Variants in PRAMEF33 observed in about 807,000 individuals in gnomAD.
PRAMEF33 encodes PRAME family member 33, also known as PRAME family member 10-like.
In PRAMEF33, 5 loss-of-function variants were observed where a neutral mutation model predicts 28.1. That is an observed-to-expected ratio of 0.18 (90% CI 0.09 to 0.37). PRAMEF33 has a LOEUF of 0.37. Among genes scored for constraint, PRAMEF33 ranks in the 10% least tolerant of loss-of-function variants. The pLI is 1.00. For missense variants in PRAMEF33, 62 were observed against 471.1 expected (o/e 0.13, Z 8.04); for synonymous variants, 28 against 183.2 (o/e 0.15, Z 6.84).
At chr1:13,305,465 A>C (rs1188499287) in intron 1 of PRAMEF33, 1 of 169,084 alleles carries the variant, frequency 5.9e-6, no homozygotes, top group Non-Finnish European at 1.2e-5. Flanking sequence ...CTTCTTGGTG[A>C]AATTTTCAAT....
At position 13,306,249 on chromosome 1, in the gene PRAMEF33, G is replaced by GACTC; in HGVS notation, c.287+10_287+13dup. 1 of 1,430,320 alleles carries GACTC rather than the reference G, an allele frequency of 7.0e-7. No homozygotes were observed. The highest frequency in any genetic ancestry group is 9.5e-7 in the Non-Finnish European group (1 of 1,050,960). 88.6% of individuals were successfully genotyped at this position (1,430,320 alleles called of 1,614,324 possible). ...CCAGAAGGTTCGCCCCAGGTGAGGT[G>GACTC]ACTCAGGTGGCTTTCGGGGAAGGGT... is the stretch of plus-strand genomic sequence containing the variant. On this transcript the variant is annotated intron_variant, in intron 2 of 3. Coordinates refer to ENST00000437300, the MANE Select transcript of PRAMEF33 (RefSeq NM_001291381.1).
rs2100298662 is a variant in PRAMEF33, at chr1:13,308,768, G to A, written c.1306G>A (p.Glu436Lys). ...NWEILTPIRAELMRTLREVRQ... is the reference protein window; with the variant it reads ...NWEILTPIRAKLMRTLREVRQ... ...GGAGATCCTCACCCCAATTCGGGCTGAGCTGATGCGTACACTCAGGGAAGT... is the reference window on the plus strand; with the variant it reads ...GGAGATCCTCACCCCAATTCGGGCTAAGCTGATGCGTACACTCAGGGAAGT... The change falls in exon 4 of 4, where the codon GAG (glutamate) becomes AAG (lysine). Residue 436 changes from glutamate (E) to lysine (K), a missense_variant. Glu to Lys is a moderately conservative substitution (Grantham distance 56). Coordinates refer to ENST00000437300, the MANE Select transcript of PRAMEF33 (RefSeq NM_001291381.1). The A allele has an allele frequency of 1.3e-6, 2 of 1,594,544 alleles. No individual in the cohort carries two copies. Among genetic ancestry groups the A allele is most frequent in the East Asian group, 2.3e-5 (1 of 44,282 alleles).
At chr1:13,308,094 C>T (rs1220186730) in intron 3 of PRAMEF33, 3 of 437,750 alleles carry the variant, frequency 6.9e-6, no homozygotes, top group African/African-American at 2.0e-5. Flanking sequence ...GGAGTGGCCC[C>T]TGAATGATCT....
Position 13,308,869 on chromosome 1 carries a change from C to T in PRAMEF33, c.1407C>T (p.Asp469=), listed in dbSNP as rs1472712130. Residue 469 remains aspartate, a synonymous_variant, in exon 4 of 4, where the codon GAC becomes GAT. Coordinates refer to ENST00000437300, the MANE Select transcript of PRAMEF33 (RefSeq NM_001291381.1). ...TCGSWPSEKV[D]FHLCS ...GCTCATGGCCATCTGAGAAAGTGGACTTCCATCTTTGCTCCTAGGGAAGGC... is the reference window on the plus strand; with the variant it reads ...GCTCATGGCCATCTGAGAAAGTGGATTTCCATCTTTGCTCCTAGGGAAGGC... The T allele has an allele frequency of 2.2e-4, 352 of 1,605,022 alleles. 7 individuals are homozygous for T. In the South Asian group the frequency reaches 3.6e-3, roughly 16 times the overall value.
At chr1:13,304,238 T>G (rs1307077927) in intron 1 of PRAMEF33, 1 of 149,842 alleles carries the variant, frequency 6.7e-6, no homozygotes, top group African/African-American at 2.5e-5. Flanking sequence ...CTCTACAAAA[T>G]ATACATATTT....
rs1177627762 is a variant in PRAMEF33, at chr1:13,304,189, A to G, written c.-26+603A>G. 4.0e-5 allele frequency: 6 copies of G among 151,040 alleles called. 1 individual carries two copies. The highest frequency in any genetic ancestry group is 2.1e-4 in the South Asian group (1 of 4,724). The allele number at this position is 151,040 out of a possible 1,614,324, so 9.4% of individuals were successfully genotyped here. On this transcript the variant is annotated intron_variant, in intron 1 of 3. Transcript: ENST00000437300. ...GTGATCCACCTGCCTTGGCCTCCCA[A>G]AGTGCTGGGATTACAGCCATGAGCC...
chr1:13,308,828 C>T lies in PRAMEF33; in HGVS notation c.1366C>T (p.Pro456Ser). The T allele has an allele frequency of 6.2e-7, 1 of 1,604,134 alleles. No individual in the cohort carries two copies. Among genetic ancestry groups the T allele is most frequent in the South Asian group, 1.1e-5 (1 of 90,510 alleles). The change falls in exon 4 of 4, where the codon CCT becomes TCT. Residue 456 changes from proline (P) to serine (S), a missense_variant. Physicochemically the swap from Pro to Ser is moderately conservative, Grantham distance 74. Transcript: ENST00000437300. ...CAAGAGGATCTTCTTTGGTCCCGTCCCTTGCCCTACCTGTGGCTCATGGCC... is the reference window on the plus strand; with the variant it reads ...CAAGAGGATCTTCTTTGGTCCCGTCTCTTGCCCTACCTGTGGCTCATGGCC... ...QPKRIFFGPV[P>S]CPTCGSWPSE... is the part of the protein sequence containing the mutation.
Position 13,308,433 on chromosome 1 carries a change from A to T in PRAMEF33, c.971A>T (p.Glu324Val), listed in dbSNP as rs1639895188. 1 of 937,458 alleles carries T rather than the reference A, an allele frequency of 1.1e-6. No individual in the cohort carries two copies. The highest frequency in any genetic ancestry group is 2.3e-5 in the Admixed American group (1 of 42,736). 58.1% of individuals were successfully genotyped at this position (937,458 alleles called of 1,614,324 possible). Residue 324 changes from glutamate to valine, a missense_variant, in exon 4 of 4, where the codon GAG becomes GTG. By Grantham distance (121) the Glu-to-Val change is moderately radical. Coordinates refer to ENST00000437300, the MANE Select transcript of PRAMEF33 (RefSeq NM_001291381.1). ...TACCCAAGCCTCAGTCAGCTAAAGG[A>T]GCTGCGTCTGATTCATATCCTAATG... is the stretch of plus-strand genomic sequence containing the variant. ...SQYPSLSQLK[E>V]LRLIHILMWT...
At position 13,308,464 on chromosome 1, in the gene PRAMEF33, C is replaced by T. The variant is rs1553168313; in HGVS notation, c.1002C>T (p.Thr334=). 2,915 of 468,492 alleles carry T rather than the reference C, an allele frequency of 6.2e-3. 419 individuals carry two copies. Among genetic ancestry groups the T allele is most frequent in the African/African-American group, 0.035 (939 of 27,126 alleles). The allele number at this position is 468,492 out of a possible 1,614,324, so 29.0% of individuals were successfully genotyped here. ...ELRLIHILMW[T]TNLQPLGALL... is the part of the protein sequence containing the mutation. The stretch of plus-strand genomic sequence containing the variant: ...GTCTGATTCATATCCTAATGTGGAC[C>T]ACCAATCTTCAGCCCCTTGGAGCTC... The change falls in exon 4 of 4, where the codon ACC becomes ACT. Residue 334 remains threonine (T), a synonymous_variant. Coordinates refer to ENST00000437300, the MANE Select transcript of PRAMEF33 (RefSeq NM_001291381.1).
rs1252416501 is a variant in PRAMEF33, at chr1:13,304,198, G to A, written c.-26+612G>A. The A allele has an allele frequency of 9.3e-5, 14 of 151,020 alleles. No individual in the cohort carries two copies. In the South Asian group the frequency reaches 2.6e-3, roughly 28 times the overall value. The allele number at this position is 151,020 out of a possible 1,614,324, so 9.4% of individuals were successfully genotyped here. A position where few individuals can be genotyped will look rare whatever the true frequency, so the allele number is the denominator to read the frequency against. On this transcript the variant is annotated intron_variant, in intron 1 of 3. Coordinates refer to ENST00000437300, the MANE Select transcript of PRAMEF33 (RefSeq NM_001291381.1). The stretch of plus-strand genomic sequence containing the variant: ...CTGCCTTGGCCTCCCAAAGTGCTGG[G>A]ATTACAGCCATGAGCCACTGGTGCT...
Position 13,308,841 on chromosome 1 carries a change from G to C in PRAMEF33, c.1379G>C (p.Cys460Ser). The change falls in exon 4 of 4, where the codon TGT becomes TCT. Residue 460 changes from cysteine (C) to serine (S), a missense_variant. By Grantham distance (112) the Cys-to-Ser change is moderately radical (BLOSUM62 -1). Coordinates refer to ENST00000437300, the MANE Select transcript of PRAMEF33 (RefSeq NM_001291381.1). Reference protein sequence around the residue: ...IFFGPVPCPTCGSWPSEKVDF... With the variant: ...IFFGPVPCPTSGSWPSEKVDF... ...TTTGGTCCCGTCCCTTGCCCTACCT[G>C]TGGCTCATGGCCATCTGAGAAAGTG... The C allele has an allele frequency of 1.2e-6, 2 of 1,604,906 alleles. No individual in the cohort carries two copies. Among genetic ancestry groups the C allele is most frequent in the South Asian group, 2.2e-5 (2 of 90,522 alleles).
At chr1:13,304,126 C>T (rs1371606624) in intron 1 of PRAMEF33, 1 of 151,212 alleles carries the variant, frequency 6.6e-6, no homozygotes, top group Admixed American at 6.6e-5. Flanking sequence ...TGGGGTTTCA[C>T]CATGCTGGCC....
In PRAMEF33 at chr1:13,306,752, A is replaced by T; in HGVS notation, c.402A>T (p.Thr134=). ...CSPEAMSKRQ[T]VEDCPRMGEH... ...CAGAGGCCATGAGTAAGAGGCAGAC[A>T]GTGGAGGACTGTCCAAGGATGGGAG... Residue 134 remains threonine, a synonymous_variant, in exon 3 of 4, where the codon ACA becomes ACT. Coordinates refer to ENST00000437300, the MANE Select transcript of PRAMEF33 (RefSeq NM_001291381.1). 1 of 1,416,346 alleles carries T rather than the reference A, an allele frequency of 7.1e-7. No individual in the cohort carries two copies. The highest frequency in any genetic ancestry group is 2.4e-5 in the East Asian group (1 of 42,026). The allele number at this position is 1,416,346 out of a possible 1,614,324, so 87.7% of individuals were successfully genotyped here.
intron 1 of PRAMEF33, chr1:13,305,422 A>C (rs1358905393): frequency 6.7e-6 from 1 of 149,386 alleles, no homozygotes; most frequent in Non-Finnish European, 1.4e-5. Flanking sequence ...TGTCTTGCGA[A>C]TGATGCATAA....
chr1:13,308,825 G>A lies in PRAMEF33; in HGVS notation c.1363G>A (p.Val455Ile), dbSNP rs1271273877. The change falls in exon 4 of 4, where the codon GTC becomes ATC. Residue 455 changes from valine (V) to isoleucine (I), a missense_variant. Physicochemically the swap from Val to Ile is conservative, Grantham distance 29 (BLOSUM62 3). Coordinates refer to ENST00000437300, the MANE Select transcript of PRAMEF33 (RefSeq NM_001291381.1). ...RQPKRIFFGP[V>I]PCPTCGSWPS... ...GCCCAAGAGGATCTTCTTTGGTCCC[G>A]TCCCTTGCCCTACCTGTGGCTCATG... 5.2e-5 allele frequency: 84 copies of A among 1,603,318 alleles called. 2 individuals carry two copies. In the East Asian group the frequency reaches 9.4e-4, roughly 18 times the overall value.
chr1:13,305,654 C>G (rs1466078142), intron 1 of PRAMEF33: 1 of 373,614 alleles, frequency 2.7e-6, no homozygotes, highest in Non-Finnish European at 4.7e-6. Context: ...TTCAGAGATC[C>G]TCGGTAACAT....
At position 13,308,569 on chromosome 1, in the gene PRAMEF33, C is replaced by T; in HGVS notation, c.1107C>T (p.Leu369=). The change falls in exon 4 of 4, where the codon CTC becomes CTT. Residue 369 remains leucine (L), a synonymous_variant. Transcript: ENST00000437300. ...TCCAGGACCCCCAACTCAGGGTCCTCCTGCCTGCCCTGAGCCACTGTTCCC... is the reference window on the plus strand; with the variant it reads ...TCCAGGACCCCCAACTCAGGGTCCTTCTGCCTGCCCTGAGCCACTGTTCCC... ...CRIQDPQLRV[L]LPALSHCSQL... 3 of 1,144,066 alleles carry T rather than the reference C, an allele frequency of 2.6e-6. No individual in the cohort carries two copies. The Admixed American group carries it at 6.3e-5, about 24-fold the overall frequency. The allele number at this position is 1,144,066 out of a possible 1,614,324, so 70.9% of individuals were successfully genotyped here. A position where few individuals can be genotyped will look rare whatever the true frequency, so the allele number is the denominator to read the frequency against.
In PRAMEF33 at chr1:13,306,620, C is replaced by T. The variant is rs1226881705; in HGVS notation, c.288-18C>T. On this transcript the variant is annotated intron_variant, in intron 2 of 3. Transcript: ENST00000437300. The stretch of plus-strand genomic sequence containing the variant: ...GTCCTTGCCTACATTCTGAGCTTTT[C>T]CCCTATGTTACTCATAGGAGGTGGA... 9 of 1,047,580 alleles carry T rather than the reference C, an allele frequency of 8.6e-6. 1 individual carries two copies. The highest frequency in any genetic ancestry group is 1.3e-5 in the Non-Finnish European group (9 of 705,488). 64.9% of individuals were successfully genotyped at this position (1,047,580 alleles called of 1,614,324 possible).
At chr1:13,304,049 T>C (rs1639833857) in intron 1 of PRAMEF33, 1 of 151,130 alleles carries the variant, frequency 6.6e-6, no homozygotes, top group East Asian at 1.9e-4. Context: ...TGCCTCAGCC[T>C]CCTGAGTATC....
Sources: gnomAD v4.1 joint callset for allele counts on GRCh38, gnomAD v4.1.1 for gene constraint, MANE v1.5 for transcripts, NCBI Gene and HGNC (gene_info 2026-07-23, HGNC 2026-07-21) for gene names.